BRD4: variants seen among roughly 807,000 people sequenced by gnomAD.
The protein encoded by BRD4 is bromodomain-containing protein 4.
A neutral mutation model predicts 142.1 loss-of-function variants in BRD4; 16 were observed. That is an observed-to-expected ratio of 0.11 (90% CI 0.08 to 0.17). The LOEUF (loss-of-function observed/expected upper bound fraction) is 0.17, where lower values mean the gene tolerates loss of function less well. Among genes scored for constraint, BRD4 ranks in the 10% least tolerant of loss-of-function variants. The pLI, the probability that BRD4 is intolerant of heterozygous loss-of-function variation, is 1.00. For synonymous variants in BRD4, 833 were observed against 707.5 expected, an observed-to-expected ratio of 1.18 and a Z score of -2.82; for missense variants, 1,424 against 1,810.9, an observed-to-expected ratio of 0.79 and a Z score of 3.88.
intron 1 of BRD4, among the ~76,000 whole-genome samples, chr19:15,319,233 G>A (rs2048041430): frequency 6.6e-6 from 1 of 152,134 alleles, no homozygotes; most frequent in Admixed American, 6.5e-5. Flanking sequence ...ACTCTGGGAG[G>A]CCAAGGTGGG....
At chr19:15,307,774 T>C (rs1052088843) in intron 1 of BRD4, among the ~76,000 whole-genome samples, 3 of 152,076 alleles carry the variant, frequency 2.0e-5, no homozygotes, top group Admixed American at 2.0e-4. Flanking sequence ...ATCAGTGTGG[T>C]GACCTCCAAG....
At chr19:15,269,931 G>A (rs2047569568) in intron 2 of BRD4, among the ~76,000 whole-genome samples, 1 of 152,238 alleles carries the variant, frequency 6.6e-6, no homozygotes, top group Non-Finnish European at 1.5e-5. Flanking sequence ...GACAGATCAA[G>A]CAGTGCCTGG....
At chr19:15,293,515 C>A (rs2145672334) in intron 1 of BRD4, among the ~76,000 whole-genome samples, 1 of 152,316 alleles carries the variant, frequency 6.6e-6, no homozygotes, top group East Asian at 1.9e-4. Flanking sequence ...ATTTAACCGC[C>A]ATGGCAGAGT....
At chr19:15,325,866 T>G (rs926047102) in intron 1 of BRD4, among the ~76,000 whole-genome samples, 1 of 150,954 alleles carries the variant, frequency 6.6e-6, no homozygotes, top group Non-Finnish European at 1.5e-5. Flanking sequence ...GGCGTGGTGG[T>G]GCATGCCTGT....
intron 1 of BRD4, among the ~76,000 whole-genome samples, chr19:15,288,839 C>A (rs2047759887): frequency 6.6e-6 from 1 of 152,168 alleles, no homozygotes; most frequent in Admixed American, 6.5e-5. Context: ...AGAGAACACG[C>A]AACAGTACCA....
At chr19:15,272,783 C>G in intron 2 of BRD4, 32 bp downstream of exon 2, 2 of 1,591,986 alleles carry the variant, frequency 1.3e-6, no homozygotes, top group South Asian at 1.1e-5. Flanking sequence ...ACCTCCAGGA[C>G]GGCCACCCTG....
At chr19:15,276,498 ACTCT>A (rs141468815) in intron 1 of BRD4, among the ~76,000 whole-genome samples, 5 of 145,378 alleles carry the variant, frequency 3.4e-5, no homozygotes, top group African/African-American at 5.1e-5. Flanking sequence ...AGGCTCACAG[ACTCT>A]CTCTCTCTCT....
chr19:15,310,940 T>G (rs1599516499), intron 1 of BRD4, among the ~76,000 whole-genome samples: 1 of 152,150 alleles, frequency 6.6e-6, no homozygotes, highest in Non-Finnish European at 1.5e-5. Flanking sequence ...ATGGGGAATT[T>G]AAAGCCCCTC....
At chr19:15,285,835 G>A (rs894107109) in intron 1 of BRD4, among the ~76,000 whole-genome samples, 12 of 152,168 alleles carry the variant, frequency 7.9e-5, no homozygotes, top group Non-Finnish European at 1.8e-4. Context: ...AAATGGCCAG[G>A]GGTGGGTGGG....
At chr19:15,278,755 C>T (rs2145641934) in intron 1 of BRD4, among the ~76,000 whole-genome samples, 1 of 151,660 alleles carries the variant, frequency 6.6e-6, no homozygotes, top group South Asian at 2.1e-4. Context: ...ATGTTGTGAA[C>T]CAAGAAAATT....
At position 15,244,733 on chromosome 19, in the gene BRD4, G is replaced by A. The variant is rs2145517866; in HGVS notation, c.2188C>T (p.His730Tyr). ...ACCTTCTTCTGCTCCCTCCCGGGGT[G>A]CCCCTTCTTTTTTGACTTCGGAGCC... The part of the protein sequence containing the change: ...EMAPKSKKKG[H>Y]PGREQKKHHH... The change falls in exon 12 of 20, where the codon CAC becomes TAC. Residue 730 changes from histidine to tyrosine, a missense_variant. By Grantham distance (83) the His-to-Tyr change is moderately conservative (BLOSUM62 2). This residue lies in a region of BRD4 where 598 missense variants were observed against 647.8 expected (regional missense o/e 0.92). Coordinates refer to ENST00000679869, the MANE Select transcript of BRD4 (RefSeq NM_001379291.1). The A allele has an allele frequency of 1.2e-6, 2 of 1,614,172 alleles. No individual in the cohort carries two copies. Among genetic ancestry groups the A allele is most frequent in the Non-Finnish European group, 1.7e-6 (2 of 1,180,020 alleles).
At position 15,244,493 on chromosome 19, in the gene BRD4, T is replaced by TTGC. The variant is rs1446616933; in HGVS notation, c.2316_2318dup (p.Gln775dup). The TTGC allele has an allele frequency of 6.8e-7, 1 of 1,465,532 alleles. No individual in the cohort carries two copies. The highest frequency in any genetic ancestry group is 9.0e-7 in the Non-Finnish European group (1 of 1,107,358). The allele number at this position is 1,465,532 out of a possible 1,614,324, so 90.8% of individuals were successfully genotyped here. On this transcript the variant is annotated inframe_insertion, in exon 13 of 20. Transcript: ENST00000679869. ...GGGGAGGCGGGGGTGGCGGCTGCTG[T>TTGC]TGCTGCTGCGGAGGTGGAGGCGGTG...
chr19:15,325,278 G>C (rs192830799), intron 1 of BRD4, among the ~76,000 whole-genome samples: 13 of 152,342 alleles, frequency 8.5e-5, no homozygotes, highest in Admixed American at 2.0e-4. Flanking sequence ...ACCGAGGCCT[G>C]AATGTGCCGT....
intron 1 of BRD4, among the ~76,000 whole-genome samples, chr19:15,282,960 T>C (rs2047715932): frequency 1.3e-5 from 2 of 152,210 alleles, no homozygotes; most frequent in African/African-American, 4.8e-5. Context: ...AGTAAGACTC[T>C]GTCTTTAAAA....
At chr19:15,248,981 GA>G in intron 11 of BRD4, 1 of 526,396 alleles carries the variant, frequency 1.9e-6, no homozygotes, top group Non-Finnish European at 3.4e-6. Flanking sequence ...CACCCTCCAG[GA>G]GATGCCACCC....
At chr19:15,249,363 A>T in intron 11 of BRD4, 6 of 1,611,978 alleles carry the variant, frequency 3.7e-6, no homozygotes, top group Non-Finnish European at 5.1e-6. Context: ...CAAGAACAGA[A>T]GAACCGCAGA....
chr19:15,240,309 C>A (rs984943196), intron 14 of BRD4, among the ~76,000 whole-genome samples: 1 of 152,194 alleles, frequency 6.6e-6, no homozygotes, highest in African/African-American at 2.4e-5. Flanking sequence ...TGGCACCAGT[C>A]CTGGTGTTTG....
At chr19:15,293,517 T>C (rs1469678631) in intron 1 of BRD4, among the ~76,000 whole-genome samples, 1 of 152,180 alleles carries the variant, frequency 6.6e-6, no homozygotes, top group African/African-American at 2.4e-5. Flanking sequence ...TTAACCGCCA[T>C]GGCAGAGTGT....
chr19:15,271,713 G>A (rs1428911743), intron 2 of BRD4, among the ~76,000 whole-genome samples: 4 of 152,188 alleles, frequency 2.6e-5, no homozygotes, highest in Admixed American at 6.5e-5. Context: ...TTGGTCAATG[G>A]AGAGCGTGGC....
Sources: gnomAD v4.1 joint callset for allele counts (sites outside exome capture counted in the v4.1 genomes callset) on GRCh38, gnomAD v4.1.1 for gene constraint, gnomAD v4.1.1 regional missense constraint, MANE v1.5 for transcripts, NCBI Gene and HGNC (gene_info 2026-07-23, HGNC 2026-07-21) for gene names.